Variants in ATP8A2 observed in about 807,000 individuals in gnomAD.
ATP8A2 encodes the protein ATPase phospholipid transporting 8A2, also known as phospholipid-transporting ATPase IB.
In ATP8A2, 100 loss-of-function variants were observed where a neutral mutation model predicts 165.6. That is an observed-to-expected ratio of 0.60 (90% CI 0.51 to 0.71). The LOEUF is 0.71. Among genes scored for constraint, ATP8A2 ranks in the 30% least tolerant of loss-of-function variants. The pLI, the probability that ATP8A2 is intolerant of heterozygous loss-of-function variation, is 0.00. For missense variants in ATP8A2, 1,227 were observed against 1,479.5 expected (o/e 0.83, Z 2.80); for synonymous variants, 543 against 548.8 (o/e 0.99, Z 0.15).
chr13:25,601,343 T>C (rs1399089561), intron 24 of ATP8A2, among the ~76,000 whole-genome samples: 2 of 152,260 alleles, frequency 1.3e-5, no homozygotes, highest in Non-Finnish European at 2.9e-5. Context: ...AGGCATAATG[T>C]CATCATTTGT....
At chr13:25,567,672 C>T (rs1314225309) in intron 16 of ATP8A2, among the ~76,000 whole-genome samples, 1 of 152,136 alleles carries the variant, frequency 6.6e-6, no homozygotes, top group African/African-American at 2.4e-5. Flanking sequence ...TAAAAGCCTC[C>T]TAGCCTATGT....
chr13:25,729,710 T>C (rs1440305846), intron 25 of ATP8A2, among the ~76,000 whole-genome samples: 1 of 152,030 alleles, frequency 6.6e-6, no homozygotes, highest in Non-Finnish European at 1.5e-5. Context: ...AAGATGACTT[T>C]GTTAAACTGA....
At chr13:25,762,601 T>C (rs148476802) in intron 25 of ATP8A2, among the ~76,000 whole-genome samples, 90 of 152,304 alleles carry the variant, frequency 5.9e-4, no homozygotes, top group African/African-American at 2.0e-3. Context: ...GAACTGTATT[T>C]TTTTTCTATT....
intron 25 of ATP8A2, among the ~76,000 whole-genome samples, chr13:25,717,783 C>T (rs1356076440): frequency 6.6e-6 from 1 of 152,198 alleles, no homozygotes; most frequent in Non-Finnish European, 1.5e-5. Flanking sequence ...ATCTGAATGC[C>T]TCCCTCAGTA....
intron 26 of ATP8A2, among the ~76,000 whole-genome samples, chr13:25,773,476 C>T (rs1372388038): frequency 6.6e-6 from 1 of 152,170 alleles, no homozygotes; most frequent in Admixed American, 6.5e-5. Flanking sequence ...GAGATACGAT[C>T]TGAGTGGTGT....
At chr13:25,677,182 A>G (rs893421662) in intron 24 of ATP8A2, among the ~76,000 whole-genome samples, 1 of 152,170 alleles carries the variant, frequency 6.6e-6, no homozygotes, top group Non-Finnish European at 1.5e-5. Context: ...TGCTAGCCAC[A>G]TGGGGCTGTT....
At chr13:25,521,656 C>T (rs576597017) in intron 2 of ATP8A2, among the ~76,000 whole-genome samples, 6 of 152,224 alleles carry the variant, frequency 3.9e-5, no homozygotes, top group South Asian at 2.1e-4. Context: ...ATGTTCTTAG[C>T]GCCTTTGTTA....
At chr13:25,560,560 T>A (rs567770347) in intron 15 of ATP8A2, among the ~76,000 whole-genome samples, 2 of 150,974 alleles carry the variant, frequency 1.3e-5, no homozygotes, top group African/African-American at 4.9e-5. Flanking sequence ...ATTAGCTGGA[T>A]GTGGTGGCGG....
intron 24 of ATP8A2, among the ~76,000 whole-genome samples, chr13:25,617,325 A>G (rs1273083900): frequency 6.6e-6 from 1 of 152,136 alleles, no homozygotes; most frequent in Non-Finnish European, 1.5e-5. Flanking sequence ...TTTTCTTGTT[A>G]TTTATGTGGA....
chr13:25,641,907 C>A (rs190955478), intron 24 of ATP8A2, among the ~76,000 whole-genome samples: 5,201 of 151,908 alleles, frequency 0.034, 156 homozygotes, highest in East Asian at 0.13. Context: ...ACAGAGATAT[C>A]GACCAATGGA....
intron 25 of ATP8A2, among the ~76,000 whole-genome samples, chr13:25,766,406 T>A (rs1566117262): frequency 6.6e-6 from 1 of 152,218 alleles, no homozygotes; most frequent in Non-Finnish European, 1.5e-5. Flanking sequence ...GAAATAATCC[T>A]TATTTCCTCC....
chr13:26,010,262 T>C (rs1956818681), intron 35 of ATP8A2, among the ~76,000 whole-genome samples: 1 of 152,174 alleles, frequency 6.6e-6, no homozygotes, highest in African/African-American at 2.4e-5. Flanking sequence ...ATAATTTCAA[T>C]GATCCCTCCC....
rs1777449818 is a variant in ATP8A2, at chr13:26,021,561, C to G, written c.*1576C>G. The G allele has an allele frequency of 6.6e-6, 1 of 152,184 alleles. No homozygotes were observed. The highest frequency in any genetic ancestry group is 2.1e-4 in the South Asian group (1 of 4,826). 9.4% of individuals were successfully genotyped at this position (152,184 alleles called of 1,614,324 possible). A position where few individuals can be genotyped will look rare whatever the true frequency, so the allele number is the denominator to read the frequency against. On this transcript the variant is annotated 3_prime_UTR_variant, in exon 37 of 37. Transcript: ENST00000381655. The stretch of plus-strand genomic sequence containing the variant: ...GTCCCACACTTAAATCTCAACAGAA[C>G]CTAGATGTCTTCAGGCATGAATGTG...
At chr13:25,994,114 T>C (rs1956446421) in intron 35 of ATP8A2, among the ~76,000 whole-genome samples, 1 of 152,210 alleles carries the variant, frequency 6.6e-6, no homozygotes, top group African/African-American at 2.4e-5. Context: ...TTGCATTGTA[T>C]TTTAAATTTT....
At chr13:25,933,658 G>T (rs902683211) in intron 33 of ATP8A2, among the ~76,000 whole-genome samples, 1 of 152,154 alleles carries the variant, frequency 6.6e-6, no homozygotes, top group African/African-American at 2.4e-5. Flanking sequence ...AGGGCATGGG[G>T]GTAGACCCAG....
intron 1 of ATP8A2, among the ~76,000 whole-genome samples, chr13:25,384,103 A>G (rs1264753772): frequency 1.3e-5 from 2 of 152,172 alleles, no homozygotes; most frequent in Admixed American, 6.5e-5. Context: ...TGTCTAAGGA[A>G]TTCTAGATTC....
intron 33 of ATP8A2, among the ~76,000 whole-genome samples, chr13:25,921,172 G>A (rs775896728): frequency 1.3e-5 from 2 of 152,164 alleles, no homozygotes; most frequent in Non-Finnish European, 2.9e-5. Flanking sequence ...CACTCCCATT[G>A]CGTTGTAAAA....
intron 25 of ATP8A2, among the ~76,000 whole-genome samples, chr13:25,729,576 G>A (rs1315791297): frequency 6.6e-6 from 1 of 152,218 alleles, no homozygotes; most frequent in Non-Finnish European, 1.5e-5. Context: ...TATGGACTGT[G>A]TCGCGACACG....
intron 33 of ATP8A2, among the ~76,000 whole-genome samples, chr13:25,882,855 C>CTTAA (rs773917917): frequency 3.9e-5 from 6 of 151,984 alleles, no homozygotes; most frequent in Non-Finnish European, 7.4e-5. Context: ...TTGTGTTCTT[C>CTTAA]TTAAACTGGG....
Sources: gnomAD v4.1 joint callset for allele counts (sites outside exome capture counted in the v4.1 genomes callset) on GRCh38, gnomAD v4.1.1 for gene constraint, MANE v1.5 for transcripts, NCBI Gene and HGNC (gene_info 2026-07-23, HGNC 2026-07-21) for gene names.